The following TBC1D22A variants were observed in gnomAD, a reference collection of about 807,000 sequenced individuals.
TBC1D22A encodes putative GTPase activator.
TBC1D22A carries 38 observed loss-of-function variants against 60.2 expected under a neutral mutation model. The ratio of observed to expected loss-of-function variants is 0.63; its 90% CI spans 0.49 to 0.83. TBC1D22A has a LOEUF of 0.83. Among genes scored for constraint, TBC1D22A ranks in the 40% least tolerant of loss-of-function variants. TBC1D22A has a pLI of 0.00. For synonymous variants in TBC1D22A, 302 were observed against 281.7 expected, an observed-to-expected ratio of 1.07 and a Z score of -0.72; for missense variants, 628 against 701.0, an observed-to-expected ratio of 0.90 and a Z score of 1.18.
chr22:46,916,512 A>G lies in TBC1D22A; in HGVS notation c.1015+4324A>G, dbSNP rs181872326. ...ATGCATGTTTAGGGCATGCTCTTGCACACACACATGCTGTGCACACAGGCG... is the reference window on the plus strand; with the variant it reads ...ATGCATGTTTAGGGCATGCTCTTGCGCACACACATGCTGTGCACACAGGCG... On this transcript the variant is annotated intron_variant, in intron 8 of 12. Coordinates refer to ENST00000337137, the MANE Select transcript of TBC1D22A (RefSeq NM_014346.5). Among the ~76,000 whole-genome samples the G allele has an allele frequency of 1.6e-3, 239 of 152,370 alleles. 1 individual carries two copies. The highest frequency in any genetic ancestry group is 5.6e-3 in the African/African-American group (232 of 41,590).
At chr22:46,774,578 G>T (rs2083620286) in intron 1 of TBC1D22A, among the ~76,000 whole-genome samples, 1 of 152,200 alleles carries the variant, frequency 6.6e-6, no homozygotes, top group Admixed American at 6.5e-5. Context: ...CAGCCCCCCG[G>T]GGCAGGGCCA....
chr22:46,850,539 A>G (rs1289821268), intron 4 of TBC1D22A, among the ~76,000 whole-genome samples: 1 of 152,248 alleles, frequency 6.6e-6, no homozygotes, highest in Admixed American at 6.5e-5. Context: ...AATGTTTGCA[A>G]GGCTGTGGAG....
chr22:46,873,597 A>G (rs965059101), intron 4 of TBC1D22A, among the ~76,000 whole-genome samples: 1 of 152,128 alleles, frequency 6.6e-6, no homozygotes, highest in African/African-American at 2.4e-5. Flanking sequence ...GGTTTGTTGT[A>G]CAGATTCTTT....
At chr22:46,930,613 G>C (rs935194916) in intron 8 of TBC1D22A, among the ~76,000 whole-genome samples, 1 of 126,300 alleles carries the variant, frequency 7.9e-6, no homozygotes, top group East Asian at 2.3e-4. Context: ...CCACCACCAC[G>C]CCTGGCTAAT....
Position 47,029,457 on chromosome 22 carries a change from C to T in TBC1D22A, c.1202-7614C>T, listed in dbSNP as rs146348922. Among the ~76,000 whole-genome samples, 1,124 of 152,274 alleles carry T rather than the reference C, an allele frequency of 7.4e-3. 8 individuals carry two copies. Among genetic ancestry groups the T allele is most frequent in the Middle Eastern group, 0.017 (5 of 294 alleles). ...TCATTGCATAGGCCAGATGACTGAA[C>T]GGGGGCCGCCTGATGGAGCTCAGTG... On this transcript the variant is annotated intron_variant, in intron 10 of 12. Coordinates refer to ENST00000337137, the MANE Select transcript of TBC1D22A (RefSeq NM_014346.5).
chr22:46,900,357 G>T (rs182450419), intron 7 of TBC1D22A, among the ~76,000 whole-genome samples: 1 of 152,110 alleles, frequency 6.6e-6, no homozygotes, highest in Non-Finnish European at 1.5e-5. Context: ...TCACCATCTT[G>T]GTCAGACTGG....
At chr22:46,951,288 C>T (rs112861138) in intron 8 of TBC1D22A, among the ~76,000 whole-genome samples, 21 of 152,182 alleles carry the variant, frequency 1.4e-4, no homozygotes, top group African/African-American at 4.6e-4. Flanking sequence ...ATTATTATTA[C>T]AATAATAATA....
Position 47,021,858 on chromosome 22 carries a change from A to G in TBC1D22A, c.1202-15213A>G, listed in dbSNP as rs1224904833. On this transcript the variant is annotated intron_variant, in intron 10 of 12. Transcript: ENST00000337137. ...TTCAGGGCCTGCTCCTCTCACTTCA[A>G]TGCAGCTCTGACGTTCCTGGGTCAG... 2.0e-5 allele frequency among the ~76,000 whole-genome samples: 3 copies of G among 152,292 alleles called. No individual in the cohort carries two copies. In the East Asian group the frequency reaches 5.8e-4, roughly 29 times the overall value.
At chr22:46,974,233 G>C in intron 8 of TBC1D22A, 57 bp from the exon 9 acceptor site, 3 of 1,464,978 alleles carry the variant, frequency 2.0e-6, no homozygotes, top group Non-Finnish European at 1.9e-6. Context: ...CCCCCTCGTG[G>C]GTCGAGGTCC....
At chr22:47,139,231 G>A (rs2066991377) in intron 12 of TBC1D22A, among the ~76,000 whole-genome samples, 1 of 152,230 alleles carries the variant, frequency 6.6e-6, no homozygotes, top group Non-Finnish European at 1.5e-5. Flanking sequence ...GAACACTGAG[G>A]CCGCCAAAGA....
chr22:46,787,529 A>C (rs970858627), intron 1 of TBC1D22A, among the ~76,000 whole-genome samples: 7 of 152,194 alleles, frequency 4.6e-5, no homozygotes, highest in Non-Finnish European at 1.0e-4. Context: ...CATACAGTGA[A>C]ACCCCACAGA....
chr22:46,829,359 G>A (rs2086208805), intron 4 of TBC1D22A, among the ~76,000 whole-genome samples: 1 of 152,156 alleles, frequency 6.6e-6, no homozygotes, highest in Non-Finnish European at 1.5e-5. Context: ...GAAAATGTAT[G>A]TTGTGGAACT....
chr22:46,811,603 G>A (rs1391045312), intron 4 of TBC1D22A, among the ~76,000 whole-genome samples: 2 of 152,204 alleles, frequency 1.3e-5, no homozygotes, highest in African/African-American at 2.4e-5. Context: ...ATCGAGCTGC[G>A]TGCTGAGCGC....
chr22:46,941,934 TACACACACACAC>T (rs368425901), intron 8 of TBC1D22A, among the ~76,000 whole-genome samples: 6 of 138,504 alleles, frequency 4.3e-5, no homozygotes, highest in Non-Finnish European at 6.2e-5. Context: ...TATGTATGTA[TACACACACACAC>T]ACACACACAC....
chr22:46,789,385 G>T, intron 1 of TBC1D22A: 1 of 456,766 alleles, frequency 2.2e-6, no homozygotes, highest in Non-Finnish European at 4.5e-6. Context: ...TCGGCCTCCC[G>T]ATAAGACTGG....
At chr22:46,843,623 A>G (rs2086869891) in intron 4 of TBC1D22A, among the ~76,000 whole-genome samples, 1 of 151,562 alleles carries the variant, frequency 6.6e-6, no homozygotes, top group Non-Finnish European at 1.5e-5. Flanking sequence ...ACGTCTGTAG[A>G]CTTCTGGGGT....
chr22:46,907,507 G>A (rs2069574368), intron 7 of TBC1D22A, among the ~76,000 whole-genome samples: 1 of 152,192 alleles, frequency 6.6e-6, no homozygotes, highest in African/African-American at 2.4e-5. Flanking sequence ...CCCAGGTCCT[G>A]CCAATGGCAC....
rs1254273795 is a variant in TBC1D22A, at chr22:46,762,942, G to C, written c.62+94G>C. 102 of 1,230,196 alleles carry C rather than the reference G, an allele frequency of 8.3e-5. No individual in the cohort carries two copies. In the Middle Eastern group the frequency reaches 1.1e-3, roughly 13 times the overall value. The allele number at this position is 1,230,196 out of a possible 1,614,324, so 76.2% of individuals were successfully genotyped here. On this transcript the variant is annotated intron_variant, in intron 1 of 12. Transcript: ENST00000337137. Reference sequence around the variant, plus strand: ...GGCTGCGGGTGGAGTCGGGGGTCTGGAGAGGGCAACTTGGACTCTGAGGAG... The same window carrying C: ...GGCTGCGGGTGGAGTCGGGGGTCTGCAGAGGGCAACTTGGACTCTGAGGAG...
intron 12 of TBC1D22A, among the ~76,000 whole-genome samples, chr22:47,127,963 T>TTCCCTCCACCCCACCCATCCCCCCATCC (rs1269936562): frequency 5.8e-4 from 14 of 23,976 alleles, no homozygotes; most frequent in African/African-American, 2.3e-3. Flanking sequence ...CCACCCGTCC[T>TTCCCTCCACCCCACCCATCCCCCCATCC]TCCCTCCACC....
Sources: allele counts gnomAD v4.1 joint callset (sites outside exome capture counted in the v4.1 genomes callset), GRCh38; gene constraint gnomAD v4.1.1; transcripts MANE v1.5; gene names NCBI Gene and HGNC (gene_info 2026-07-23, HGNC 2026-07-21).